The following EPS8 variants were observed in gnomAD, a reference collection of about 807,000 sequenced individuals.
The protein encoded by EPS8 is EGFR pathway substrate 8, signaling adaptor.
A neutral mutation model predicts 103.8 loss-of-function variants in EPS8; 42 were observed. The observed-to-expected ratio is 0.40, with a 90% confidence interval of 0.32 to 0.52. The LOEUF is 0.52. Among genes scored for constraint, EPS8 ranks in the 20% least tolerant of loss-of-function variants. EPS8 has a pLI of 0.40. For synonymous variants in EPS8, 344 were observed against 344.6 expected, an observed-to-expected ratio of 1.00 and a Z score of 0.02; for missense variants, 969 against 1,005.1, an observed-to-expected ratio of 0.96 and a Z score of 0.49.
chr12:15,684,773 T>C lies in EPS8; in HGVS notation c.-21-1801A>G, dbSNP rs778029356. 6.6e-6 allele frequency among the ~76,000 whole-genome samples: 1 copy of C among 152,222 alleles called. No homozygotes were observed. Among genetic ancestry groups the C allele is most frequent in the Non-Finnish European group, 1.5e-5 (1 of 68,036 alleles). ...TGGCCCTCAAAACACTGGACTTTAATTTAAGCTTTCCTATCCACTGCTTAA... is the reference window on the plus strand; with the variant it reads ...TGGCCCTCAAAACACTGGACTTTAACTTAAGCTTTCCTATCCACTGCTTAA... On this transcript the variant is annotated intron_variant, in intron 1 of 20. Transcript: ENST00000281172. This position sits in a 1 kb window ranked among gnomAD's most constrained non-coding sequence, Gnocchi z 4.9.
rs980872324 is a variant in EPS8, at chr12:15,787,292, G to A, written c.-22+1869C>T. On this transcript the variant is annotated intron_variant, in intron 1 of 20. Coordinates refer to ENST00000281172, the MANE Select transcript of EPS8 (RefSeq NM_004447.6). This position sits in a 1 kb window ranked among gnomAD's most constrained non-coding sequence, Gnocchi z 4.9. Reference sequence around the variant, plus strand: ...GGATTTGGAATGTAATAAACACAAAGTAGAGAGTAGCAAGCCTATGCCATA... The same window carrying A: ...GGATTTGGAATGTAATAAACACAAAATAGAGAGTAGCAAGCCTATGCCATA... Among the ~76,000 whole-genome samples, 2 of 152,144 alleles carry A rather than the reference G, an allele frequency of 1.3e-5. No homozygotes were observed. The highest frequency in any genetic ancestry group is 2.9e-5 in the Non-Finnish European group (2 of 67,978).
chr12:15,624,268 C>A lies in EPS8; in HGVS notation c.2184G>T (p.Glu728Asp). 1 of 1,613,790 alleles carries A rather than the reference C, an allele frequency of 6.2e-7. No individual in the cohort carries two copies. The highest frequency in any genetic ancestry group is 1.1e-5 in the South Asian group (1 of 91,066). The change falls in exon 19 of 21, where the codon GAG (glutamate) becomes GAT (aspartate). Residue 728 changes from glutamate (E) to aspartate (D), a missense_variant. Glu to Asp is a conservative substitution (Grantham distance 45). Coordinates refer to ENST00000281172, the MANE Select transcript of EPS8 (RefSeq NM_004447.6). ...VINITYDSTPEDVKTWLQSKG... is the reference protein window; with the variant it reads ...VINITYDSTPDDVKTWLQSKG... ...TTGACTGTAACCACGTCTTCACATC[C>A]TCTGGTGTGGAGTCGTAAGTGATAT...
At position 15,787,941 on chromosome 12, in the gene EPS8, A is replaced by G. The variant is rs2136063354; in HGVS notation, c.-22+1220T>C. 1 of 152,344 alleles carries G rather than the reference A, an allele frequency of 6.6e-6. No homozygotes were observed. The highest frequency in any genetic ancestry group is 1.9e-4 in the East Asian group (1 of 5,186). 9.4% of individuals were successfully genotyped at this position (152,344 alleles called of 1,614,324 possible). A position where few individuals can be genotyped will look rare whatever the true frequency, so the allele number is the denominator to read the frequency against. ...TACTAGGTGAGACAGGATGACATTG[A>G]CTTTAATTCCAATAGACTCACTACC... On this transcript the variant is annotated intron_variant, in intron 1 of 20. Coordinates refer to ENST00000281172, the MANE Select transcript of EPS8 (RefSeq NM_004447.6). This position sits in a 1 kb window ranked among gnomAD's most constrained non-coding sequence, Gnocchi z 4.9.
intron 1 of EPS8, among the ~76,000 whole-genome samples, chr12:15,720,612 T>A (rs567390601): frequency 6.6e-6 from 1 of 152,308 alleles, no homozygotes; most frequent in African/African-American, 2.4e-5. Context: ...TTAAATCTGG[T>A]CGTGTTATTT....
At chr12:15,737,321 A>C (rs1367728616) in intron 1 of EPS8, among the ~76,000 whole-genome samples, 1 of 152,150 alleles carries the variant, frequency 6.6e-6, no homozygotes, top group Non-Finnish European at 1.5e-5. Context: ...GGGTTGCAAA[A>C]CGTGACTTTA....
At chr12:15,782,655 A>G (rs2136056635) in intron 1 of EPS8, among the ~76,000 whole-genome samples, 1 of 152,330 alleles carries the variant, frequency 6.6e-6, no homozygotes, top group Non-Finnish European at 1.5e-5. Flanking sequence ...GTAACCATAA[A>G]ATTTATTAGA....
chr12:15,677,707 C>T (rs1433414202), intron 3 of EPS8, among the ~76,000 whole-genome samples: 6 of 152,074 alleles, frequency 3.9e-5, no homozygotes, highest in Non-Finnish European at 7.4e-5. Context: ...GAGACACTGC[C>T]AGCACACACT....
At chr12:15,774,311 A>C (rs1591935039) in intron 1 of EPS8, among the ~76,000 whole-genome samples, 2 of 135,664 alleles carry the variant, frequency 1.5e-5, no homozygotes, top group African/African-American at 2.7e-5. Flanking sequence ...TTATATATCT[A>C]CCCCCCTCCT....
In EPS8 at chr12:15,623,138, C is replaced by A; in HGVS notation, c.2355+20G>T. The A allele has an allele frequency of 1.3e-6, 2 of 1,594,022 alleles. No homozygotes were observed. Among genetic ancestry groups the A allele is most frequent in the African/African-American group, 1.4e-5 (1 of 73,588 alleles). ...CTTTCAATTTGCAGAAAAACACCACCTTAGGTTGACAAGTCATACCTCCAA... is the reference window on the plus strand; with the variant it reads ...CTTTCAATTTGCAGAAAAACACCACATTAGGTTGACAAGTCATACCTCCAA... On this transcript the variant is annotated intron_variant, in intron 20 of 20. Transcript: ENST00000281172.
In EPS8 at chr12:15,623,332, G is replaced by A. The variant is rs535048623; in HGVS notation, c.2226-45C>T. On this transcript the variant is annotated intron_variant, in intron 19 of 20. Coordinates refer to ENST00000281172, the MANE Select transcript of EPS8 (RefSeq NM_004447.6). Reference sequence around the variant, plus strand: ...AAAGAAACTGAGCATTAAAAATATTGCCTACAAACAAAGGAGAAAATTATC... The same window carrying A: ...AAAGAAACTGAGCATTAAAAATATTACCTACAAACAAAGGAGAAAATTATC... 294 of 1,540,466 alleles carry A rather than the reference G, an allele frequency of 1.9e-4. 1 individual carries two copies. In the South Asian group the frequency reaches 2.8e-3, roughly 15 times the overall value.
At chr12:15,722,398 T>A (rs1019751863) in intron 1 of EPS8, among the ~76,000 whole-genome samples, 8 of 152,108 alleles carry the variant, frequency 5.3e-5, no homozygotes, top group Admixed American at 2.6e-4. Flanking sequence ...ATCATAAAAA[T>A]CTGCAACTGA....
intron 3 of EPS8, among the ~76,000 whole-genome samples, chr12:15,680,317 C>T (rs868415933): frequency 2.6e-5 from 4 of 152,096 alleles, no homozygotes; most frequent in African/African-American, 7.2e-5. Flanking sequence ...CTGTTGGTTC[C>T]TATAGCACAT....
intron 12 of EPS8, among the ~76,000 whole-genome samples, chr12:15,655,074 G>T (rs1273537933): frequency 6.6e-6 from 1 of 152,130 alleles, no homozygotes; most frequent in Non-Finnish European, 1.5e-5. Flanking sequence ...GGCACAAGAA[G>T]ATAGGAGATT....
At chr12:15,750,663 G>A (rs1946922452) in intron 1 of EPS8, among the ~76,000 whole-genome samples, 1 of 152,156 alleles carries the variant, frequency 6.6e-6, no homozygotes, top group South Asian at 2.1e-4. Flanking sequence ...GTAGACCAGT[G>A]AGAATGAAAA....
intron 8 of EPS8, chr12:15,662,301 G>A: frequency 7.4e-7 from 1 of 1,349,596 alleles, no homozygotes; most frequent in Non-Finnish European, 9.5e-7. Flanking sequence ...CAGAGCTTAA[G>A]TATTAGTCCT....
chr12:15,622,375 G>T (rs1366943827), intron 20 of EPS8, among the ~76,000 whole-genome samples: 1 of 152,110 alleles, frequency 6.6e-6, no homozygotes, highest in Non-Finnish European at 1.5e-5. Flanking sequence ...GGGGTGATAC[G>T]CATGAAGTGA....
intron 1 of EPS8, among the ~76,000 whole-genome samples, chr12:15,710,329 C>G (rs1946445162): frequency 1.3e-5 from 2 of 152,082 alleles, no homozygotes; most frequent in African/African-American, 4.8e-5. Flanking sequence ...TAATATTGCT[C>G]TAAATTACAT....
At position 15,784,051 on chromosome 12, in the gene EPS8, T is replaced by C. The variant is rs74851941; in HGVS notation, c.-22+5110A>G. On this transcript the variant is annotated intron_variant, in intron 1 of 20. Coordinates refer to ENST00000281172, the MANE Select transcript of EPS8 (RefSeq NM_004447.6). This position sits in a 1 kb window ranked among gnomAD's most constrained non-coding sequence, Gnocchi z 4.0. ...TACCTAAATGTAAAATGCAAAACTA[T>C]AAAACTTCTAGGAAAAACACAGGAT... Among the ~76,000 whole-genome samples the C allele has an allele frequency of 3.3e-3, 496 of 152,220 alleles. No homozygotes were observed. The highest frequency in any genetic ancestry group is 0.011 in the African/African-American group (461 of 41,554).
Position 15,727,598 on chromosome 12 carries a change from G to A in EPS8, c.-21-44626C>T, listed in dbSNP as rs138854116. ...AATAAGGCTGGGCACAGTGGCTCAC[G>A]CCTGTAATTCCAGCACCTTGGGAGG... On this transcript the variant is annotated intron_variant, in intron 1 of 20. Transcript: ENST00000281172. The surrounding 1 kb of genome is among the most constrained non-coding windows in gnomAD (Gnocchi z 4.3). Among the ~76,000 whole-genome samples the A allele has an allele frequency of 2.6e-3, 399 of 152,290 alleles. 1 individual carries two copies. The highest frequency in any genetic ancestry group is 9.2e-3 in the African/African-American group (383 of 41,548).
Sources: allele counts gnomAD v4.1 joint callset (sites outside exome capture counted in the v4.1 genomes callset), GRCh38; gene constraint gnomAD v4.1.1; non-coding constraint Gnocchi (gnomAD v3.1); transcripts MANE v1.5; gene names NCBI Gene and HGNC (gene_info 2026-07-23, HGNC 2026-07-21).